The following N4BP2L2 variants were observed in gnomAD, a reference collection of about 807,000 sequenced individuals.
N4BP2L2 encodes NEDD4 binding protein 2 like 2, also known as NEDD4-binding protein 2-like 2.
A neutral mutation model predicts 56.2 loss-of-function variants in N4BP2L2; 50 were observed. The observed-to-expected ratio is 0.89, with a 90% confidence interval of 0.71 to 1.13. The LOEUF (loss-of-function observed/expected upper bound fraction) is 1.13, where lower values mean the gene tolerates loss of function less well. Among genes scored for constraint, N4BP2L2 ranks in the 50% most tolerant of loss-of-function variants. The pLI is 0.00. For missense variants in N4BP2L2, 689 were observed against 693.8 expected (o/e 0.99, Z 0.08); for synonymous variants, 203 against 223.6 (o/e 0.91, Z 0.82).
chr13:32,475,650 G>C (rs970337398), intron 6 of N4BP2L2, among the ~76,000 whole-genome samples: 1 of 152,148 alleles, frequency 6.6e-6, no homozygotes, highest in Non-Finnish European at 1.5e-5. Flanking sequence ...AGGGAAGATG[G>C]AGCCTCCATC....
At chr13:32,439,978 A>G (rs1427843099) in intron 7 of N4BP2L2, among the ~76,000 whole-genome samples, 1 of 151,392 alleles carries the variant, frequency 6.6e-6, no homozygotes, top group Non-Finnish European at 1.5e-5. Flanking sequence ...GTGAGCCAAG[A>G]TCTCACCACT....
chr13:32,441,888 AAAATAAATAAATAAATAAAT>A (rs201117316), intron 7 of N4BP2L2, among the ~76,000 whole-genome samples: 15 of 138,844 alleles, frequency 1.1e-4, no homozygotes, highest in Admixed American at 7.2e-4. Flanking sequence ...CTAAAAATAC[AAAATAAATAAATAAATAAAT>A]AAATAAATAA....
chr13:32,483,385 T>C (rs1418513378), intron 6 of N4BP2L2, among the ~76,000 whole-genome samples: 1 of 152,240 alleles, frequency 6.6e-6, no homozygotes, highest in African/African-American at 2.4e-5. Flanking sequence ...CTCTTCAACC[T>C]ATTTTAACCT....
intron 6 of N4BP2L2, chr13:32,480,597 G>A (rs1401295463): frequency 7.8e-7 from 1 of 1,283,082 alleles, no homozygotes; most frequent in Non-Finnish European, 1.0e-6. Flanking sequence ...CACCTGAGTT[G>A]CTGTCTTACT....
At chr13:32,515,171 G>A (rs2048938668) in exon 6 of N4BP2L2, 1 of 151,874 alleles carries the variant, frequency 6.6e-6, no homozygotes, top group African/African-American at 2.4e-5. Context: ...TAAAGCTGGT[G>A]CAGTGGCTCA....
chr13:32,440,001 G>A (rs1234474390), intron 7 of N4BP2L2, among the ~76,000 whole-genome samples: 1 of 150,350 alleles, frequency 6.7e-6, no homozygotes, highest in Non-Finnish European at 1.5e-5. Context: ...ACTCTAGCCT[G>A]GGTGGCAGAG....
At chr13:32,532,583 CTTTTTTCTTTTTT>C (rs1313148738) in intron 2 of N4BP2L2, among the ~76,000 whole-genome samples, 2 of 140,532 alleles carry the variant, frequency 1.4e-5, no homozygotes, top group African/African-American at 5.6e-5. Flanking sequence ...ATTCTCTTTT[CTTTTTTCTTTTTT>C]TTTTTTTTTT....
chr13:32,449,048 CCTCTA>C (rs2077456557), intron 6 of N4BP2L2, among the ~76,000 whole-genome samples: 1 of 152,132 alleles, frequency 6.6e-6, no homozygotes, highest in Non-Finnish European at 1.5e-5. Flanking sequence ...TCTTAAATAA[CCTCTA>C]CTCAACTGAT....
downstream of N4BP2L2, chr13:32,508,812 G>A (rs1268569261): frequency 6.6e-6 from 1 of 152,030 alleles, no homozygotes; most frequent in Non-Finnish European, 1.5e-5. Flanking sequence ...CAGTTCTTTG[G>A]GAAAAGGGTT....
exon 6 of N4BP2L2, chr13:32,511,172 T>C (rs1396895197): frequency 6.6e-6 from 1 of 152,162 alleles, no homozygotes; most frequent in Non-Finnish European, 1.5e-5. Context: ...AACAATCACA[T>C]TTAGATGGGG....
intron 3 of N4BP2L2, chr13:32,527,148 T>A (rs985601000): frequency 6.9e-6 from 2 of 289,802 alleles, no homozygotes; most frequent in African/African-American, 4.4e-5. Flanking sequence ...GCTGCTATTA[T>A]TTTACCAGCT....
At chr13:32,485,621 GGTTA>G (rs1377785342) in intron 6 of N4BP2L2, among the ~76,000 whole-genome samples, 1 of 152,102 alleles carries the variant, frequency 6.6e-6, no homozygotes, top group Non-Finnish European at 1.5e-5. Context: ...AGGAAAGCAA[GGTTA>G]GTTTAACATC....
intron 3 of N4BP2L2, chr13:32,526,816 C>CTTTTTTTT (rs2052975801): frequency 1.3e-4 from 1 of 7,550 alleles, no homozygotes; most frequent in African/African-American, 3.9e-4. Context: ...CACTTTTTGT[C>CTTTTTTTT]TGTTTTTTTT....
At chr13:32,466,619 A>C (rs1038335435) in intron 6 of N4BP2L2, among the ~76,000 whole-genome samples, 3 of 152,158 alleles carry the variant, frequency 2.0e-5, no homozygotes, top group African/African-American at 7.2e-5. Flanking sequence ...CAAAACTGGC[A>C]AGCCTAAACC....
chr13:32,506,776 G>C (rs1427663495), downstream of N4BP2L2: 2 of 152,096 alleles, frequency 1.3e-5, no homozygotes, highest in African/African-American at 4.8e-5. Context: ...AATACAGAAA[G>C]TGAGAAAAAT....
intron 5 of N4BP2L2, among the ~76,000 whole-genome samples, chr13:32,519,501 C>G (rs1166234255): frequency 3.3e-5 from 5 of 152,012 alleles, no homozygotes; most frequent in Non-Finnish European, 7.4e-5. Context: ...ACTAAAAATA[C>G]AAAAAATAGC....
chr13:32,509,910 C>T (rs998731166), downstream of N4BP2L2, among the ~76,000 whole-genome samples: 6 of 151,956 alleles, frequency 3.9e-5, no homozygotes, highest in African/African-American at 1.4e-4. Context: ...CAAACAAGAC[C>T]CAGTTCTTCA....
chr13:32,457,609 C>A (rs892238527), intron 6 of N4BP2L2, among the ~76,000 whole-genome samples: 1 of 152,064 alleles, frequency 6.6e-6, no homozygotes, highest in Non-Finnish European at 1.5e-5. Flanking sequence ...AATTATCAAC[C>A]AAGAATACTA....
At chr13:32,488,996 C>T (rs2086492698) in intron 6 of N4BP2L2, among the ~76,000 whole-genome samples, 1 of 152,154 alleles carries the variant, frequency 6.6e-6, no homozygotes, top group African/African-American at 2.4e-5. Flanking sequence ...TCTCTTGAAC[C>T]TGGGAGGTGG....
Sources: gnomAD v4.1 joint callset for allele counts (sites outside exome capture counted in the v4.1 genomes callset) on GRCh38, gnomAD v4.1.1 for gene constraint, MANE v1.5 for transcripts, NCBI Gene and HGNC (gene_info 2026-07-23, HGNC 2026-07-21) for gene names.